The following SLC24A2 variants were observed in gnomAD, a reference collection of about 807,000 sequenced individuals.
SLC24A2 encodes sodium/potassium/calcium exchanger 2.
Under a neutral mutation model 62.0 loss-of-function variants are expected in SLC24A2, and 36 were observed. The observed-to-expected ratio is 0.58, with a 90% CI of 0.44 to 0.77. The LOEUF (loss-of-function observed/expected upper bound fraction) is 0.77. Ranked by LOEUF, SLC24A2 falls within the 30% of genes least tolerant of loss-of-function variation. SLC24A2 has a pLI of 0.00. For synonymous variants in SLC24A2, 358 were observed against 294.0 expected (o/e 1.22, Z -2.23); for missense variants, 846 against 817.9 (o/e 1.03, Z -0.42).
the SLC24A2 span, among the ~76,000 whole-genome samples, chr9:20,307,789 C>T: frequency 1.3e-5 from 2 of 152,162 alleles, no homozygotes; most frequent in Non-Finnish European, 2.9e-5. Flanking sequence ...CCCTGACCAG[C>T]TTGCAGAAGG....
the SLC24A2 span, among the ~76,000 whole-genome samples, chr9:19,812,650 C>G: frequency 6.6e-6 from 1 of 152,034 alleles, no homozygotes; most frequent in East Asian, 1.9e-4. Flanking sequence ...CATCTGTTGT[C>G]TAATTTTTCT....
the SLC24A2 span, among the ~76,000 whole-genome samples, chr9:19,984,964 A>T: frequency 6.6e-5 from 10 of 152,238 alleles, no homozygotes; most frequent in African/African-American, 2.4e-4. Flanking sequence ...AAAAATAAGT[A>T]TAATTTTAAA....
At chr9:20,210,056 G>T in the SLC24A2 span, among the ~76,000 whole-genome samples, 1 of 152,222 alleles carries the variant, frequency 6.6e-6, no homozygotes, top group East Asian at 1.9e-4. Context: ...CATTGTCAGG[G>T]GTTTCTAGCA....
chr9:20,302,924 T>C, the SLC24A2 span, among the ~76,000 whole-genome samples: 1 of 152,212 alleles, frequency 6.6e-6, no homozygotes, highest in Non-Finnish European at 1.5e-5. Context: ...ATATTGATAA[T>C]TGTGCACTTT....
chr9:19,821,095 G>A, the SLC24A2 span, among the ~76,000 whole-genome samples: 1 of 151,992 alleles, frequency 6.6e-6, no homozygotes, highest in East Asian at 1.9e-4. Flanking sequence ...TTGTTATGTA[G>A]GAGAGCTTTA....
the SLC24A2 span, among the ~76,000 whole-genome samples, chr9:19,856,343 T>C: frequency 1.3e-5 from 2 of 152,172 alleles, no homozygotes; most frequent in African/African-American, 4.8e-5. Flanking sequence ...GGAGTTACGA[T>C]CATTTGGAGA....
In SLC24A2 at chr9:19,513,186, ATATATG is replaced by A. The variant is rs1832795656; in HGVS notation, c.*2961_*2966del. 7.3e-6 allele frequency: 1 copy of A among 137,182 alleles called. No individual in the cohort carries two copies. Among genetic ancestry groups the A allele is most frequent in the African/African-American group, 2.7e-5 (1 of 36,496 alleles). The allele number at this position is 137,182 out of a possible 1,614,324, so 8.5% of individuals were successfully genotyped here. On this transcript the variant is annotated 3_prime_UTR_variant, in exon 11 of 11. Coordinates refer to ENST00000341998, the MANE Select transcript of SLC24A2 (RefSeq NM_020344.4). ...TATATATATATATATGTATATATAT[ATATATG>A]TATATATTTATATATGTATATACAC...
intron 7 of SLC24A2, among the ~76,000 whole-genome samples, chr9:19,560,451 G>C (rs1421244417): frequency 1.3e-5 from 2 of 152,198 alleles, no homozygotes; most frequent in Non-Finnish European, 2.9e-5. Flanking sequence ...CAGAAGGCTT[G>C]TGCTCTCTCT....
the SLC24A2 span, among the ~76,000 whole-genome samples, chr9:20,278,644 A>G: frequency 3.9e-5 from 6 of 152,208 alleles, no homozygotes; most frequent in South Asian, 1.2e-3. Flanking sequence ...AAGCCACTCA[A>G]CAAGTCTCTA....
chr9:20,086,946 A>G, the SLC24A2 span, among the ~76,000 whole-genome samples: 1 of 152,100 alleles, frequency 6.6e-6, no homozygotes, highest in Non-Finnish European at 1.5e-5. Context: ...ATTCCCATCT[A>G]TGCTCTTCCC....
intron 3 of SLC24A2, among the ~76,000 whole-genome samples, chr9:19,620,116 A>G (rs1344695593): frequency 2.0e-5 from 3 of 152,212 alleles, no homozygotes; most frequent in Admixed American, 6.5e-5. Flanking sequence ...GCTTTTCTCA[A>G]TGACTATTCT....
chr9:19,887,977 C>G, the SLC24A2 span, among the ~76,000 whole-genome samples: 61,914 of 151,986 alleles, frequency 0.41, 13,201 homozygotes, highest in East Asian at 0.84. Flanking sequence ...ACTTTGGGGA[C>G]TCAGGGGAAA....
In SLC24A2 at chr9:19,649,243, C is replaced by T. The variant is rs545977265; in HGVS notation, c.931-26944G>A. 1.1e-4 allele frequency among the ~76,000 whole-genome samples: 17 copies of T among 152,064 alleles called. No individual in the cohort carries two copies. In the South Asian group the frequency reaches 2.7e-3, roughly 24 times the overall value. On this transcript the variant is annotated intron_variant, in intron 2 of 10. Transcript: ENST00000341998. ...ACAAAACTTTGTACCCTTGAGATGACGGAGTAGGCTCTTTGAATTTACTTT... is the reference window on the plus strand; with the variant it reads ...ACAAAACTTTGTACCCTTGAGATGATGGAGTAGGCTCTTTGAATTTACTTT...
intron 9 of SLC24A2, among the ~76,000 whole-genome samples, chr9:19,526,617 T>C (rs1339541655): frequency 6.6e-6 from 1 of 152,200 alleles, no homozygotes; most frequent in East Asian, 1.9e-4. Context: ...TTGAGCATAT[T>C]TTCTTGTGCT....
the SLC24A2 span, among the ~76,000 whole-genome samples, chr9:19,794,874 C>CA: frequency 4.7e-3 from 700 of 150,074 alleles, 6 homozygotes; most frequent in Admixed American, 0.029. Flanking sequence ...CTTTATGACT[C>CA]AAAAAAAAAA....
Position 19,573,412 on chromosome 9 carries a change from T to G in SLC24A2, c.1286A>C (p.Asp429Ala), listed in dbSNP as rs191759600. ...STDVEMTPSS[D>A]ASEPVQNGNL... ...TCCATTTTGTACAGGTTCTGAAGCA[T>G]CACTGGATGGTGTCATTTCAACATC... is the stretch of plus-strand genomic sequence containing the variant. Residue 429 changes from aspartate (D) to alanine (A), a missense_variant, in exon 7 of 11, where the codon GAT (aspartate) becomes GCT (alanine). Physicochemically the swap from Asp to Ala is moderately radical, Grantham distance 126 (BLOSUM62 -2). Transcript: ENST00000341998. 3 of 1,613,860 alleles carry G rather than the reference T, an allele frequency of 1.9e-6. No homozygotes were observed. The highest frequency in any genetic ancestry group is 2.5e-6 in the Non-Finnish European group (3 of 1,179,890).
the SLC24A2 span, among the ~76,000 whole-genome samples, chr9:19,848,796 A>G: frequency 6.6e-6 from 1 of 152,218 alleles, no homozygotes; most frequent in Non-Finnish European, 1.5e-5. Context: ...CTTGTGGTCA[A>G]TGGAATTATA....
chr9:19,947,394 A>G, the SLC24A2 span, among the ~76,000 whole-genome samples: 6 of 151,106 alleles, frequency 4.0e-5, no homozygotes, highest in African/African-American at 1.5e-4. Flanking sequence ...GGAAGAAGAA[A>G]GAAGGGAAGG....
the SLC24A2 span, among the ~76,000 whole-genome samples, chr9:19,795,028 A>G: frequency 6.6e-6 from 1 of 152,210 alleles, no homozygotes; most frequent in Non-Finnish European, 1.5e-5. Flanking sequence ...GACAAGCCAG[A>G]AGGAAGGTGC....
Sources: gnomAD v4.1 joint callset for allele counts (sites outside exome capture counted in the v4.1 genomes callset) on GRCh38, gnomAD v4.1.1 for gene constraint, MANE v1.5 for transcripts, NCBI Gene and HGNC (gene_info 2026-07-23, HGNC 2026-07-21) for gene names.